CDC14A: variants seen among roughly 807,000 people sequenced by gnomAD.
The protein encoded by CDC14A is cell division cycle 14A, also known as dual specificity protein phosphatase CDC14A.
A neutral mutation model predicts 74.4 loss-of-function variants in CDC14A; 53 were observed. That is an observed-to-expected ratio of 0.71 (90% CI 0.57 to 0.89). The LOEUF (loss-of-function observed/expected upper bound fraction) is 0.89, where lower values mean the gene tolerates loss of function less well. Ranked by LOEUF, CDC14A falls within the 40% of genes least tolerant of loss-of-function variation. CDC14A has a pLI of 0.00. For missense variants in CDC14A, 646 were observed against 713.7 expected (o/e 0.91, Z 1.08); for synonymous variants, 247 against 258.4 (o/e 0.96, Z 0.43).
chr1:100,520,087 CTACA>C lies in CDC14A; in HGVS notation c.*1810_*1813del, dbSNP rs1176474583. ...TCTAAAAATTACTTTACACATGTGC[CTACA>C]TAGACACACCAAGAAGTGGATGTAT... On this transcript the variant is annotated 3_prime_UTR_variant, in exon 16 of 16. Transcript: ENST00000336454. 6.6e-6 allele frequency: 1 copy of C among 152,062 alleles called. No individual in the cohort carries two copies. Among genetic ancestry groups the C allele is most frequent in the Non-Finnish European group, 1.5e-5 (1 of 67,856 alleles). 9.4% of individuals were successfully genotyped at this position (152,062 alleles called of 1,614,324 possible). A position where few individuals can be genotyped will look rare whatever the true frequency, so the allele number is the denominator to read the frequency against.
intron 2 of CDC14A, among the ~76,000 whole-genome samples, chr1:100,370,288 G>GTTTT (rs778173442): frequency 7.0e-6 from 1 of 143,198 alleles, no homozygotes; most frequent in Non-Finnish European, 1.5e-5. Context: ...CCAGCCTAAA[G>GTTTT]TTTTTTTTTT....
intron 12 of CDC14A, among the ~76,000 whole-genome samples, chr1:100,495,657 A>G (rs561719197): frequency 2.6e-5 from 4 of 152,330 alleles, no homozygotes; most frequent in Non-Finnish European, 5.9e-5. Context: ...TAGCAGAAGG[A>G]TGTTTTGCCG....
At chr1:100,435,004 T>C (rs1302342130) in intron 5 of CDC14A, among the ~76,000 whole-genome samples, 1 of 152,184 alleles carries the variant, frequency 6.6e-6, no homozygotes, top group Non-Finnish European at 1.5e-5. Flanking sequence ...ATGCAAATTC[T>C]CAGGCCCTGC....
At chr1:100,396,617 A>G (rs1319655182) in intron 4 of CDC14A, among the ~76,000 whole-genome samples, 2 of 152,266 alleles carry the variant, frequency 1.3e-5, no homozygotes, top group Non-Finnish European at 2.9e-5. Context: ...TAACAAGTAT[A>G]CAAAATTACA....
intron 11 of CDC14A, among the ~76,000 whole-genome samples, chr1:100,491,126 G>A (rs963100284): frequency 9.9e-5 from 15 of 151,934 alleles, no homozygotes; most frequent in African/African-American, 7.3e-5. Flanking sequence ...CTAGGCTATC[G>A]GTTAAATAAT....
At chr1:100,379,602 T>C (rs999353965) in intron 3 of CDC14A, among the ~76,000 whole-genome samples, 3 of 152,262 alleles carry the variant, frequency 2.0e-5, no homozygotes, top group East Asian at 1.9e-4. Context: ...ATAGGAATTA[T>C]AGAACTGTCA....
intron 15 of CDC14A, among the ~76,000 whole-genome samples, chr1:100,515,476 C>T (rs936540499): frequency 4.0e-5 from 6 of 151,526 alleles, no homozygotes; most frequent in African/African-American, 4.9e-5. Context: ...TTCCGCCTCC[C>T]GGGTTCAAGT....
chr1:100,418,708 A>G lies in CDC14A; in HGVS notation c.310-5514A>G, dbSNP rs1659573927. Among the ~76,000 whole-genome samples, 4 of 152,232 alleles carry G rather than the reference A, an allele frequency of 2.6e-5. No homozygotes were observed. The South Asian group carries it at 8.3e-4, about 32-fold the overall frequency. On this transcript the variant is annotated intron_variant, in intron 4 of 15. Coordinates refer to ENST00000336454, the MANE Select transcript of CDC14A (RefSeq NM_003672.4). ...GATGATTGTCATGGAAGAAAGGTCC[A>G]GGTAGTTCACTGCGGAACTAATGAA...
At chr1:100,517,366 T>G (rs986433079) in intron 15 of CDC14A, among the ~76,000 whole-genome samples, 1 of 152,214 alleles carries the variant, frequency 6.6e-6, no homozygotes, top group Non-Finnish European at 1.5e-5. Context: ...AAAAGGGCAT[T>G]TACTAGAAAA....
chr1:100,492,634 C>T lies in CDC14A; in HGVS notation c.1138-2184C>T, dbSNP rs149221170. ...ACACTATGACTGTTTTCTTTTTTGACGCTCTCTTTGTGTGTCCTAGACTTA... is the reference window on the plus strand; with the variant it reads ...ACACTATGACTGTTTTCTTTTTTGATGCTCTCTTTGTGTGTCCTAGACTTA... On this transcript the variant is annotated intron_variant, in intron 11 of 15. Transcript: ENST00000336454. Among the ~76,000 whole-genome samples the T allele has an allele frequency of 6.3e-3, 958 of 152,182 alleles. 8 individuals carry two copies. The highest frequency in any genetic ancestry group is 9.9e-3 in the Non-Finnish European group (675 of 67,996).
At chr1:100,491,560 A>C (rs1381010481) in intron 11 of CDC14A, among the ~76,000 whole-genome samples, 4 of 72,278 alleles carry the variant, frequency 5.5e-5, no homozygotes, top group East Asian at 3.3e-4. Context: ...ATATATATAT[A>C]TATATATATA....
chr1:100,380,508 T>A (rs1423416061), intron 3 of CDC14A, among the ~76,000 whole-genome samples: 1 of 152,178 alleles, frequency 6.6e-6, no homozygotes, highest in Non-Finnish European at 1.5e-5. Context: ...CTGCTTCACT[T>A]CCACGAACCC....
intron 4 of CDC14A, among the ~76,000 whole-genome samples, chr1:100,413,511 G>A (rs1030218988): frequency 1.3e-5 from 2 of 152,166 alleles, no homozygotes; most frequent in Non-Finnish European, 2.9e-5. Context: ...AGTTCCTTAA[G>A]TATATACTCT....
At chr1:100,516,029 G>A (rs1271886686) in intron 15 of CDC14A, among the ~76,000 whole-genome samples, 1 of 152,194 alleles carries the variant, frequency 6.6e-6, no homozygotes, top group Admixed American at 6.5e-5. Context: ...CAAACTAGGG[G>A]GTTGGAAAAG....
At chr1:100,364,491 C>T (rs1045855269) in intron 2 of CDC14A, among the ~76,000 whole-genome samples, 3 of 139,636 alleles carry the variant, frequency 2.1e-5, no homozygotes, top group African/African-American at 6.2e-5. Flanking sequence ...GGATTACAGG[C>T]GGAGCCGTTG....
intron 5 of CDC14A, among the ~76,000 whole-genome samples, chr1:100,434,058 CA>C (rs1664035144): frequency 6.6e-6 from 1 of 152,142 alleles, no homozygotes; most frequent in Non-Finnish European, 1.5e-5. Flanking sequence ...ACAAAATAAA[CA>C]ACAAGTCCCA....
chr1:100,454,164 T>G (rs547603364), intron 7 of CDC14A, among the ~76,000 whole-genome samples: 1 of 152,292 alleles, frequency 6.6e-6, no homozygotes, highest in South Asian at 2.1e-4. Flanking sequence ...ATATTCCAAT[T>G]TGTTTAACAA....
intron 10 of CDC14A, among the ~76,000 whole-genome samples, chr1:100,479,170 G>A (rs1669206777): frequency 6.6e-6 from 1 of 152,104 alleles, no homozygotes; most frequent in Non-Finnish European, 1.5e-5. Flanking sequence ...AAAATAAGAT[G>A]AAAAACATCT....
At position 100,439,928 on chromosome 1, in the gene CDC14A, A is replaced by G. The variant is rs1026275858; in HGVS notation, c.390-4A>G. On this transcript the variant is annotated splice_polypyrimidine_tract_variant and splice_region_variant and intron_variant, in intron 5 of 15. Coordinates refer to ENST00000336454, the MANE Select transcript of CDC14A (RefSeq NM_003672.4). Reference sequence around the variant, plus strand: ...TTTAATGTTGAGTTTATTTATGTTTATAGGGATGCTTCCTTTGGAAATTGC... The same window carrying G: ...TTTAATGTTGAGTTTATTTATGTTTGTAGGGATGCTTCCTTTGGAAATTGC... 44 of 1,605,772 alleles carry G rather than the reference A, an allele frequency of 2.7e-5. No individual in the cohort carries two copies. Among genetic ancestry groups the G allele is most frequent in the Non-Finnish European group, 3.7e-5 (43 of 1,172,762 alleles).
Sources: allele counts gnomAD v4.1 joint callset (sites outside exome capture counted in the v4.1 genomes callset), GRCh38; gene constraint gnomAD v4.1.1; transcripts MANE v1.5; gene names NCBI Gene and HGNC (gene_info 2026-07-23, HGNC 2026-07-21).